MYOM1: variants seen among roughly 807,000 people sequenced by gnomAD.
The protein encoded by MYOM1 is myomesin 1.
Under a neutral mutation model 205.3 loss-of-function variants are expected in MYOM1, and 164 were observed. The ratio of observed to expected loss-of-function variants is 0.80; its 90% CI spans 0.70 to 0.91. The LOEUF (loss-of-function observed/expected upper bound fraction) is 0.91. Among genes scored for constraint, MYOM1 ranks in the 40% least tolerant of loss-of-function variants. The probability of loss-of-function intolerance (pLI) is 0.00; values close to 1 mark genes in which losing one functional copy is unlikely to be tolerated. For synonymous variants in MYOM1, 772 were observed against 789.4 expected, an observed-to-expected ratio of 0.98 and a Z score of 0.37; for missense variants, 2,011 against 2,127.3, an observed-to-expected ratio of 0.95 and a Z score of 1.08.
intron 22 of MYOM1, among the ~76,000 whole-genome samples, chr18:3,105,478 G>A (rs563531038): frequency 6.6e-6 from 1 of 152,134 alleles, no homozygotes; most frequent in African/African-American, 2.4e-5. Flanking sequence ...TCAGGCAAAT[G>A]GAACAAATGG....
At chr18:3,239,452 CA>C in the MYOM1 span, among the ~76,000 whole-genome samples, 4 of 152,076 alleles carry the variant, frequency 2.6e-5, no homozygotes, top group Non-Finnish European at 4.4e-5. Flanking sequence ...ATAAAACTGA[CA>C]TCAAATAGAC....
rs1416856713 is a variant in MYOM1, at chr18:3,135,342, A to G, written c.2209+205T>C. 1 of 491,834 alleles carries G rather than the reference A, an allele frequency of 2.0e-6. No homozygotes were observed. The highest frequency in any genetic ancestry group is 3.3e-5 in the East Asian group (1 of 30,704). The allele number at this position is 491,834 out of a possible 1,614,324, so 30.5% of individuals were successfully genotyped here. On this transcript the variant is annotated intron_variant, in intron 15 of 37. Coordinates refer to ENST00000356443, the MANE Select transcript of MYOM1 (RefSeq NM_003803.4). The surrounding 1 kb of genome is among the most constrained non-coding windows in gnomAD (Gnocchi z 4.1). ...GAACTTCAGAAAAAACACATTATCA[A>G]TATTGTTGAAACTCCCAAAGAAGTT...
intron 8 of MYOM1, among the ~76,000 whole-genome samples, chr18:3,170,530 T>A (rs2080541908): frequency 6.6e-6 from 1 of 152,190 alleles, no homozygotes; most frequent in African/African-American, 2.4e-5. Flanking sequence ...CAGGAGAAAA[T>A]GGAAAAGTTT....
upstream of MYOM1, among the ~76,000 whole-genome samples, chr18:3,220,680 A>C (rs2081321209): frequency 6.6e-6 from 1 of 152,176 alleles, no homozygotes; most frequent in Non-Finnish European, 1.5e-5. Context: ...TTCAGACCAG[A>C]TCTAGATCCC....
chr18:3,123,760 A>T (rs1170915960), intron 19 of MYOM1, among the ~76,000 whole-genome samples: 4 of 151,668 alleles, frequency 2.6e-5, no homozygotes, highest in Non-Finnish European at 4.4e-5. Context: ...CTGGAAAAAG[A>T]ATAAACCAGG....
In MYOM1 at chr18:3,092,446, G is replaced by T. The variant is rs185504453; in HGVS notation, c.3865-1644C>A. ...AGCCTCAAGTAATTCCCCTGCCTTG[G>T]CCTCCCAAAGTGCTGGGATTACACG... is the stretch of plus-strand genomic sequence containing the variant. On this transcript the variant is annotated intron_variant, in intron 26 of 37. Transcript: ENST00000356443. Among the ~76,000 whole-genome samples, 9 of 152,228 alleles carry T rather than the reference G, an allele frequency of 5.9e-5. No individual in the cohort carries two copies. In the East Asian group the frequency reaches 1.5e-3, roughly 26 times the overall value.
At chr18:3,121,515 G>A (rs2079691292) in intron 19 of MYOM1, among the ~76,000 whole-genome samples, 1 of 152,154 alleles carries the variant, frequency 6.6e-6, no homozygotes. Context: ...AAATAAAATG[G>A]TAAATATATT....
intron 8 of MYOM1, among the ~76,000 whole-genome samples, chr18:3,171,641 G>A (rs1488643530): frequency 1.3e-5 from 2 of 151,980 alleles, no homozygotes; most frequent in Non-Finnish European, 2.9e-5. Flanking sequence ...GGCAAATCTA[G>A]GATGTCTCTT....
At chr18:3,227,713 G>A in the MYOM1 span, among the ~76,000 whole-genome samples, 35 of 152,054 alleles carry the variant, frequency 2.3e-4, no homozygotes, top group Non-Finnish European at 4.4e-4. Flanking sequence ...CAGCTACTTG[G>A]GAGGCTGAGG....
intron 34 of MYOM1, among the ~76,000 whole-genome samples, chr18:3,077,078 T>C (rs950940787): frequency 6.6e-6 from 1 of 151,088 alleles, no homozygotes; most frequent in Non-Finnish European, 1.5e-5. Context: ...AGTAGTGCAA[T>C]CATAGCTTGA....
intron 5 of MYOM1, among the ~76,000 whole-genome samples, chr18:3,181,797 C>T (rs540102076): frequency 6.4e-5 from 9 of 139,672 alleles, no homozygotes; most frequent in Non-Finnish European, 1.1e-4. Flanking sequence ...CGCAGTGGTG[C>T]GATCTCACTC....
At chr18:3,237,771 G>C in the MYOM1 span, among the ~76,000 whole-genome samples, 1 of 152,144 alleles carries the variant, frequency 6.6e-6, no homozygotes, top group Non-Finnish European at 1.5e-5. Flanking sequence ...ACAGAAAGTA[G>C]AATGGTGGTT....
intron 6 of MYOM1, 91 bp from the exon 7 acceptor site, chr18:3,174,299 C>A: frequency 1.8e-6 from 2 of 1,106,744 alleles, no homozygotes; most frequent in South Asian, 1.4e-5. Context: ...CTATCACAGC[C>A]CCCTGCAAAT....
At chr18:3,148,551 G>A (rs909849228) in intron 13 of MYOM1, among the ~76,000 whole-genome samples, 4 of 152,002 alleles carry the variant, frequency 2.6e-5, no homozygotes, top group African/African-American at 4.8e-5. Flanking sequence ...TCATTATTTT[G>A]AAAATGGTGA....
At chr18:3,224,111 C>T (rs1256868749), upstream of MYOM1, among the ~76,000 whole-genome samples, 3 of 151,754 alleles carry the variant, frequency 2.0e-5, no homozygotes, top group East Asian at 5.8e-4. Flanking sequence ...TCACTGCAAC[C>T]TCCACCTCCC....
intron 2 of MYOM1, among the ~76,000 whole-genome samples, chr18:3,214,532 A>G (rs1748407191): frequency 6.6e-6 from 1 of 152,214 alleles, no homozygotes; most frequent in South Asian, 2.1e-4. Context: ...TTTAAGAAGT[A>G]ACTGGGAGAG....
At chr18:3,071,647 G>A (rs906459197) in intron 37 of MYOM1, among the ~76,000 whole-genome samples, 187 bp downstream of exon 37, 3 of 152,198 alleles carry the variant, frequency 2.0e-5, no homozygotes, top group Admixed American at 6.5e-5. Context: ...GTGAGCCATC[G>A]TGCCTGGCCA....
At chr18:3,213,086 C>T (rs904017378) in intron 2 of MYOM1, among the ~76,000 whole-genome samples, 7 of 152,210 alleles carry the variant, frequency 4.6e-5, no homozygotes, top group African/African-American at 1.7e-4. Flanking sequence ...AGGAGGCCAC[C>T]ATCACTGATA....
At chr18:3,158,902 C>T (rs1227855229) in intron 10 of MYOM1, among the ~76,000 whole-genome samples, 2 of 152,224 alleles carry the variant, frequency 1.3e-5, no homozygotes, top group Non-Finnish European at 2.9e-5. Flanking sequence ...GCATGAGCCA[C>T]TGTGCCCAGC....
Sources: allele counts gnomAD v4.1 joint callset (sites outside exome capture counted in the v4.1 genomes callset), GRCh38; gene constraint gnomAD v4.1.1; non-coding constraint Gnocchi (gnomAD v3.1); transcripts MANE v1.5; gene names NCBI Gene and HGNC (gene_info 2026-07-23, HGNC 2026-07-21).